The following UNC13C variants were observed in gnomAD, a reference collection of about 807,000 sequenced individuals.
The protein encoded by UNC13C is unc-13 homolog C.
In UNC13C, 174 loss-of-function variants were observed where a neutral mutation model predicts 245.4. That is an observed-to-expected ratio of 0.71 (90% CI 0.63 to 0.80). The LOEUF is 0.80. Among genes scored for constraint, UNC13C ranks in the 30% least tolerant of loss-of-function variants. The probability of loss-of-function intolerance (pLI) is 0.00; values close to 1 mark genes in which losing one functional copy is unlikely to be tolerated. For missense variants in UNC13C, 2,829 were observed against 2,602.9 expected, an observed-to-expected ratio of 1.09 and a Z score of -1.89; for synonymous variants, 992 against 895.1, an observed-to-expected ratio of 1.11 and a Z score of -1.93.
At chr15:54,440,346 A>T (rs528606718) in intron 19 of UNC13C, among the ~76,000 whole-genome samples, 2 of 152,064 alleles carry the variant, frequency 1.3e-5, no homozygotes, top group South Asian at 4.2e-4. Context: ...AAACAAACAA[A>T]TACTCTCTAA....
At chr15:54,203,048 T>A (rs1009372931) in intron 4 of UNC13C, among the ~76,000 whole-genome samples, 8 of 151,326 alleles carry the variant, frequency 5.3e-5, no homozygotes, top group African/African-American at 1.9e-4. Context: ...ATGGCAAAAA[T>A]AAAAAAGGCC....
chr15:54,560,577 G>T (rs184196526), intron 29 of UNC13C, among the ~76,000 whole-genome samples: 1 of 151,696 alleles, frequency 6.6e-6, no homozygotes, highest in Non-Finnish European at 1.5e-5. Flanking sequence ...CTACCCCCGC[G>T]GTGATAATAG....
chr15:54,035,080 T>TA (rs1896518859), intron 2 of UNC13C, among the ~76,000 whole-genome samples: 1 of 152,182 alleles, frequency 6.6e-6, no homozygotes, highest in African/African-American at 2.4e-5. Context: ...TGTTTTTTTT[T>TA]ATGAATGACT....
At chr15:54,311,776 T>A (rs1033011821) in intron 13 of UNC13C, among the ~76,000 whole-genome samples, 1 of 151,848 alleles carries the variant, frequency 6.6e-6, no homozygotes, top group African/African-American at 2.4e-5. Flanking sequence ...TGTCAGCGAT[T>A]TGTTTGACTT....
chr15:54,170,087 T>C (rs147145412), intron 4 of UNC13C, among the ~76,000 whole-genome samples: 241 of 151,880 alleles, frequency 1.6e-3, no homozygotes, highest in African/African-American at 5.5e-3. Flanking sequence ...TATTTAAACA[T>C]TGAATGCTAT....
At chr15:54,082,375 ACTTT>A (rs1407836708) in intron 2 of UNC13C, among the ~76,000 whole-genome samples, 3 of 47,222 alleles carry the variant, frequency 6.4e-5, no homozygotes, top group Non-Finnish European at 1.8e-4. Flanking sequence ...CAAGTTGCCT[ACTTT>A]TTCTTCTTCT....
At chr15:54,187,139 C>G (rs2034019315) in intron 4 of UNC13C, among the ~76,000 whole-genome samples, 1 of 152,006 alleles carries the variant, frequency 6.6e-6, no homozygotes, top group South Asian at 2.1e-4. Context: ...TGAGCTCACA[C>G]GTATGCATTT....
chr15:54,382,540 G>T (rs893770875), intron 17 of UNC13C, among the ~76,000 whole-genome samples: 1 of 152,008 alleles, frequency 6.6e-6, no homozygotes, highest in African/African-American at 2.4e-5. Flanking sequence ...TTGAGCCGTT[G>T]CCCTCCAGCT....
chr15:54,017,001 C>A (rs1895690596), intron 2 of UNC13C, among the ~76,000 whole-genome samples: 1 of 152,142 alleles, frequency 6.6e-6, no homozygotes, highest in African/African-American at 2.4e-5. Context: ...TGATCAAACT[C>A]CCCTAAATGA....
chr15:54,241,315 G>A (rs746374607), intron 7 of UNC13C, among the ~76,000 whole-genome samples: 2 of 152,122 alleles, frequency 1.3e-5, no homozygotes, highest in Non-Finnish European at 2.9e-5. Context: ...ACTAGATGTG[G>A]AGGTAATCAG....
At chr15:54,196,043 G>T (rs1256311716) in intron 4 of UNC13C, among the ~76,000 whole-genome samples, 1 of 152,028 alleles carries the variant, frequency 6.6e-6, no homozygotes. Context: ...CACTGAAACA[G>T]TTCCCTGTAG....
At chr15:54,457,891 C>CA (rs1567291826) in intron 19 of UNC13C, among the ~76,000 whole-genome samples, 4 of 76,426 alleles carry the variant, frequency 5.2e-5, no homozygotes, top group Non-Finnish European at 7.9e-5. Flanking sequence ...CTCTGCTTTT[C>CA]GTTTTTTTTT....
the UNC13C span, among the ~76,000 whole-genome samples, chr15:53,876,387 G>A: frequency 6.6e-6 from 1 of 152,120 alleles, no homozygotes; most frequent in Non-Finnish European, 1.5e-5. Flanking sequence ...GAGGCTCGAA[G>A]GATTGACTGA....
At chr15:54,051,727 G>A (rs1317678668) in intron 2 of UNC13C, among the ~76,000 whole-genome samples, 1 of 150,384 alleles carries the variant, frequency 6.6e-6, no homozygotes, top group Non-Finnish European at 1.5e-5. Flanking sequence ...AAAGTGGATT[G>A]AGCTCGTTTA....
chr15:54,370,554 C>A (rs917477518), intron 17 of UNC13C, among the ~76,000 whole-genome samples: 8 of 152,154 alleles, frequency 5.3e-5, no homozygotes, highest in Non-Finnish European at 1.2e-4. Context: ...TGCTTCAGTG[C>A]TAATTCACAT....
intron 18 of UNC13C, among the ~76,000 whole-genome samples, chr15:54,404,657 G>T (rs957861928): frequency 6.6e-6 from 1 of 151,818 alleles, no homozygotes; most frequent in Non-Finnish European, 1.5e-5. Context: ...AATATATATG[G>T]TACATAGGAA....
At chr15:53,944,912 C>T in the UNC13C span, among the ~76,000 whole-genome samples, 8 of 152,168 alleles carry the variant, frequency 5.3e-5, no homozygotes, top group Admixed American at 5.2e-4. Flanking sequence ...TTCTCTGCAA[C>T]TTTACCAGCA....
At chr15:54,320,895 C>A in intron 13 of UNC13C, 1 of 336,518 alleles carries the variant, frequency 3.0e-6, no homozygotes, top group Non-Finnish European at 5.8e-6. Flanking sequence ...CCTATCATTG[C>A]CAAAATTGTT....
chr15:54,197,207 T>C (rs191964132), intron 4 of UNC13C, among the ~76,000 whole-genome samples: 33 of 152,320 alleles, frequency 2.2e-4, no homozygotes, highest in African/African-American at 7.5e-4. Context: ...CTGGGCACAG[T>C]GGCTCACGCC....
Sources: gnomAD v4.1 joint callset for allele counts (sites outside exome capture counted in the v4.1 genomes callset) on GRCh38, gnomAD v4.1.1 for gene constraint, MANE v1.5 for transcripts, NCBI Gene and HGNC (gene_info 2026-07-23, HGNC 2026-07-21) for gene names.